The following BTBD10 variants were observed in gnomAD, a reference collection of about 807,000 sequenced individuals.
The protein encoded by BTBD10 is BTB/POZ domain-containing protein 10.
BTBD10 carries 21 observed loss-of-function variants against 53.2 expected under a neutral mutation model. That is an observed-to-expected ratio of 0.39 (90% CI 0.28 to 0.57). The LOEUF (loss-of-function observed/expected upper bound fraction) is 0.57, where lower values mean the gene tolerates loss of function less well. Ranked by LOEUF, BTBD10 falls within the 20% of genes least tolerant of loss-of-function variation. The pLI, the probability that BTBD10 is intolerant of heterozygous loss-of-function variation, is 0.53. For synonymous variants in BTBD10, 149 were observed against 192.7 expected, an observed-to-expected ratio of 0.77 and a Z score of 1.88; for missense variants, 360 against 594.7, an observed-to-expected ratio of 0.61 and a Z score of 4.10.
intron 8 of BTBD10, among the ~76,000 whole-genome samples, chr11:13,392,115 A>T (rs1188543344): frequency 3.3e-5 from 5 of 152,226 alleles, no homozygotes; most frequent in African/African-American, 1.2e-4. Flanking sequence ...GTCTATTGAG[A>T]GTCATTAAAT....
At chr11:13,418,395 GTTTT>G (rs1005643572) in intron 4 of BTBD10, among the ~76,000 whole-genome samples, 2 of 151,734 alleles carry the variant, frequency 1.3e-5, no homozygotes, top group African/African-American at 2.4e-5. Context: ...ACTTTAAAAC[GTTTT>G]TTTAAGAAAA....
At chr11:13,408,083 C>T (rs963636410) in intron 6 of BTBD10, among the ~76,000 whole-genome samples, 2 of 152,140 alleles carry the variant, frequency 1.3e-5, no homozygotes, top group African/African-American at 4.8e-5. Context: ...AGCCATAAGC[C>T]ACCTCTGCTG....
intron 8 of BTBD10, among the ~76,000 whole-genome samples, chr11:13,397,648 A>G (rs1949591305): frequency 1.3e-5 from 2 of 152,196 alleles, no homozygotes; most frequent in South Asian, 2.1e-4. Flanking sequence ...TGTCAATTTT[A>G]GATCTTTCCT....
intron 6 of BTBD10, among the ~76,000 whole-genome samples, chr11:13,408,242 ACT>A: frequency 6.6e-6 from 1 of 151,622 alleles, no homozygotes. Flanking sequence ...TTCATCATTA[ACT>A]CTCACCCAAA....
intron 1 of BTBD10, among the ~76,000 whole-genome samples, chr11:13,449,124 G>A (rs919958431): frequency 6.6e-6 from 1 of 152,094 alleles, no homozygotes; most frequent in Non-Finnish European, 1.5e-5. Flanking sequence ...GGAGGTGGGG[G>A]TTGGGGGATA....
intron 5 of BTBD10, among the ~76,000 whole-genome samples, chr11:13,416,503 T>C (rs1273501936): frequency 6.6e-6 from 1 of 152,216 alleles, no homozygotes; most frequent in East Asian, 1.9e-4. Flanking sequence ...GTCATATTCA[T>C]TCTCAGATAG....
intron 2 of BTBD10, among the ~76,000 whole-genome samples, chr11:13,430,283 T>C (rs1950423073): frequency 6.6e-6 from 1 of 152,266 alleles, no homozygotes; most frequent in African/African-American, 2.4e-5. Context: ...AATGATAGCG[T>C]CACTTGTCAT....
intron 2 of BTBD10, among the ~76,000 whole-genome samples, chr11:13,430,974 T>TATACACACACACAC (rs1555026667): frequency 6.2e-5 from 9 of 144,490 alleles, no homozygotes; most frequent in African/African-American, 1.8e-4. Flanking sequence ...TGGAGATACA[T>TATACACACACACAC]ACACACACAC....
At chr11:13,419,119 G>T (rs1315157381) in intron 4 of BTBD10, among the ~76,000 whole-genome samples, 1 of 151,784 alleles carries the variant, frequency 6.6e-6, no homozygotes, top group South Asian at 2.1e-4. Flanking sequence ...CCAAGTGCAG[G>T]AAACATATTA....
chr11:13,444,736 G>A (rs1337611185), intron 2 of BTBD10, among the ~76,000 whole-genome samples: 1 of 152,152 alleles, frequency 6.6e-6, no homozygotes, highest in Non-Finnish European at 1.5e-5. Context: ...GAACTAACCT[G>A]TCATGTGAGA....
intron 1 of BTBD10, among the ~76,000 whole-genome samples, chr11:13,446,523 C>T (rs1451233367): frequency 6.6e-6 from 1 of 151,908 alleles, no homozygotes; most frequent in Non-Finnish European, 1.5e-5. Context: ...ATAATAAATA[C>T]ATAAATAAGT....
chr11:13,421,515 G>A (rs1950241777), intron 3 of BTBD10, 127 bp downstream of exon 3: 1 of 757,160 alleles, frequency 1.3e-6, no homozygotes, highest in Non-Finnish European at 1.9e-6. Flanking sequence ...AACTAAAACA[G>A]AAACAACTGA....
At chr11:13,425,127 T>C (rs1265640217) in intron 2 of BTBD10, among the ~76,000 whole-genome samples, 1 of 151,916 alleles carries the variant, frequency 6.6e-6, no homozygotes, top group East Asian at 1.9e-4. Flanking sequence ...GCTCAAAGGA[T>C]TAGAGGAAAT....
intron 6 of BTBD10, among the ~76,000 whole-genome samples, chr11:13,408,008 TCCAGCCTTGTGAGCCACC>T (rs2135782514): frequency 6.6e-6 from 1 of 152,232 alleles, no homozygotes; most frequent in African/African-American, 2.4e-5. Context: ...GAATAAAGCC[TCCAGCCTTGTGAGCCACC>T]CCAGCCCATC....
intron 1 of BTBD10, among the ~76,000 whole-genome samples, chr11:13,446,271 T>C (rs1374624547): frequency 6.6e-6 from 1 of 152,152 alleles, no homozygotes; most frequent in Admixed American, 6.6e-5. Context: ...GGTAGAGTTG[T>C]ACATAAAAGT....
intron 6 of BTBD10, among the ~76,000 whole-genome samples, chr11:13,407,481 G>C (rs1396099226): frequency 2.6e-5 from 4 of 152,002 alleles, no homozygotes; most frequent in East Asian, 1.9e-4. Flanking sequence ...CAAGTTTTCA[G>C]AACTATCTCA....
chr11:13,390,229 C>G (rs941893680), intron 8 of BTBD10, among the ~76,000 whole-genome samples: 21 of 152,172 alleles, frequency 1.4e-4, no homozygotes, highest in African/African-American at 4.3e-4. Context: ...CTGTAAAGGT[C>G]CAGAGTAAAT....
intron 6 of BTBD10, among the ~76,000 whole-genome samples, chr11:13,411,925 G>A (rs1439848518): frequency 1.3e-5 from 2 of 151,210 alleles, no homozygotes; most frequent in African/African-American, 4.9e-5. Flanking sequence ...TCCACCTCCC[G>A]TGTTCAAGCA....
At chr11:13,440,539 T>C (rs528879351) in intron 2 of BTBD10, among the ~76,000 whole-genome samples, 11 of 152,314 alleles carry the variant, frequency 7.2e-5, no homozygotes, top group African/African-American at 1.9e-4. Context: ...AGAGAAAATA[T>C]TATTGTACTT....
Sources: allele counts gnomAD v4.1 joint callset (sites outside exome capture counted in the v4.1 genomes callset), GRCh38; gene constraint gnomAD v4.1.1; transcripts MANE v1.5; gene names NCBI Gene and HGNC (gene_info 2026-07-23, HGNC 2026-07-21).